The following GSDMC variants were observed in gnomAD, a reference collection of about 807,000 sequenced individuals.
The protein encoded by GSDMC is gasdermin-C.
A neutral mutation model predicts 58.0 loss-of-function variants in GSDMC; 59 were observed. The ratio of observed to expected loss-of-function variants is 1.02; its 90% confidence interval spans 0.82 to 1.26. The LOEUF (loss-of-function observed/expected upper bound fraction) is 1.26, where lower values mean the gene tolerates loss of function less well. Among genes scored for constraint, GSDMC ranks in the 50% most tolerant of loss-of-function variants. The pLI, the probability that GSDMC is intolerant of heterozygous loss-of-function variation, is 0.00. For synonymous variants in GSDMC, 241 were observed against 220.2 expected (o/e 1.09, Z -0.83); for missense variants, 659 against 598.5 (o/e 1.10, Z -1.06).
rs778036535 is a variant in GSDMC at position 129,748,459 on chromosome 8, C to T, written c.*42G>A. ...AAGGACACTCACAGCATAGACTGGGCGAGGGCCAGCATCTCTGGACTGACT... is the reference window on the plus strand; with the variant it reads ...AAGGACACTCACAGCATAGACTGGGTGAGGGCCAGCATCTCTGGACTGACT... On this transcript the variant is annotated 3_prime_UTR_variant, in exon 14 of 14. Transcript: ENST00000276708. 253 of 1,556,998 alleles carry T rather than the reference C, an allele frequency of 1.6e-4. 2 individuals carry two copies. In the Middle Eastern group the frequency reaches 1.8e-3, roughly 11 times the overall value.
the GSDMC span, among the ~76,000 whole-genome samples, chr8:129,724,873 T>G: frequency 3.3e-5 from 5 of 151,994 alleles, no homozygotes; most frequent in Admixed American, 2.0e-4. Flanking sequence ...ACAAAGGGCA[T>G]AGTTTGAGGA....
intron 3 of GSDMC, among the ~76,000 whole-genome samples, chr8:129,772,068 T>A (rs2034071846): frequency 6.6e-6 from 1 of 151,870 alleles, no homozygotes; most frequent in Admixed American, 6.6e-5. Context: ...ATCGAGACCA[T>A]CCTGGCTAAC....
chr8:129,729,756 T>C, the GSDMC span: 1 of 589,314 alleles, frequency 1.7e-6, no homozygotes, highest in African/African-American at 1.9e-5. Flanking sequence ...TTGTAAAAAG[T>C]GTCGCAATAA....
chr8:129,734,749 A>G, the GSDMC span, among the ~76,000 whole-genome samples: 2 of 152,232 alleles, frequency 1.3e-5, no homozygotes, highest in African/African-American at 4.8e-5. Flanking sequence ...AAGAAACTGC[A>G]TCAACTAACA....
rs2033834479 is a variant in GSDMC at position 129,765,747 on chromosome 8, T to A, written c.451A>T (p.Arg151Ter). ...EPSFLKECRRRGDNLYVVTEA... is the reference protein window; with the variant it reads ...EPSFLKECRR ...GTCACCACGTACAGGTTGTCCCCTC[T>A]CCTCCGGCACTCCTTCAGAAATGAT... The change falls in exon 4 of 14, where the codon AGA (arginine) becomes TGA (stop). Residue 151 changes from arginine to a stop codon, truncating the protein, a stop_gained. Transcript: ENST00000276708. LOFTEE classifies it high-confidence loss of function. 6.2e-7 allele frequency: 1 copy of A among 1,613,794 alleles called. No individual in the cohort carries two copies. Among genetic ancestry groups the A allele is most frequent in the South Asian group, 1.1e-5 (1 of 91,072 alleles).
chr8:129,784,823 GC>G (rs1302836341), intron 1 of GSDMC, among the ~76,000 whole-genome samples: 1 of 152,196 alleles, frequency 6.6e-6, no homozygotes, highest in African/African-American at 2.4e-5. Flanking sequence ...GTTCACAATA[GC>G]CAAGATTGGG....
the GSDMC span, among the ~76,000 whole-genome samples, chr8:129,740,701 A>T: frequency 6.6e-6 from 1 of 152,156 alleles, no homozygotes; most frequent in Non-Finnish European, 1.5e-5. Flanking sequence ...TAGCTCCATC[A>T]TTAAGCAACT....
Position 129,751,570 on chromosome 8 carries a change from TAGA to T in GSDMC, c.917-5_917-3del, listed in dbSNP as rs750155067. On this transcript the variant is annotated splice_polypyrimidine_tract_variant and splice_region_variant and intron_variant, in intron 9 of 13. Coordinates refer to ENST00000276708, the MANE Select transcript of GSDMC (RefSeq NM_031415.3). The stretch of plus-strand genomic sequence containing the variant: ...GCCAGAAGGGTTCCTCTATTCTTCC[TAGA>T]AGGAGAATCAAGTCATCATCTCACT... The T allele has an allele frequency of 1.1e-5, 18 of 1,612,414 alleles. No individual in the cohort carries two copies. Among genetic ancestry groups the T allele is most frequent in the Non-Finnish European group, 1.2e-5 (14 of 1,178,882 alleles).
chr8:129,750,686 T>C, intron 10 of GSDMC, 116 bp from the exon 11 acceptor site: 3 of 1,008,344 alleles, frequency 3.0e-6, no homozygotes, highest in Non-Finnish European at 4.4e-6. Flanking sequence ...CCCTTTCAGC[T>C]GCTAACCAAA....
At chr8:129,726,993 T>TACAC in the GSDMC span, among the ~76,000 whole-genome samples, 4 of 43,996 alleles carry the variant, frequency 9.1e-5, no homozygotes, top group African/African-American at 9.9e-5. Context: ...CCACACCCAA[T>TACAC]ACACATACAC....
At chr8:129,765,371 T>C (rs1484737172) in intron 4 of GSDMC, among the ~76,000 whole-genome samples, 1 of 152,118 alleles carries the variant, frequency 6.6e-6, no homozygotes, top group Non-Finnish European at 1.5e-5. Context: ...CAAAACACAA[T>C]ACTAAATAAT....
intron 3 of GSDMC, 25 bp downstream of exon 3, chr8:129,776,077 T>A: frequency 4.4e-6 from 7 of 1,575,278 alleles, no homozygotes; most frequent in Non-Finnish European, 6.1e-6. Context: ...TGATGATCCA[T>A]CCCCTTCCTC....
At chr8:129,738,197 G>T in the GSDMC span, among the ~76,000 whole-genome samples, 1 of 152,210 alleles carries the variant, frequency 6.6e-6, no homozygotes. Flanking sequence ...GGAGAAATAG[G>T]AACACTTTTA....
chr8:129,732,881 G>C, the GSDMC span, among the ~76,000 whole-genome samples: 1 of 152,188 alleles, frequency 6.6e-6, no homozygotes, highest in African/African-American at 2.4e-5. Context: ...GAAGTGCAAG[G>C]GGTCACGGGA....
chr8:129,730,364 T>C, the GSDMC span: 2 of 1,287,350 alleles, frequency 1.6e-6, no homozygotes, highest in Non-Finnish European at 2.2e-6. Context: ...AAGGAGATTA[T>C]CTACTGGATG....
chr8:129,752,128 T>C lies in GSDMC; in HGVS notation c.864A>G (p.Gln288=), dbSNP rs1182549415. ...CACTTGGCAAATGCCCGCTCAAAAA[T>C]TGCTGTGTCAGAAATAGCTCTGGAA... ...KLKPELFLTQ[Q]FLSGHLPKYE... The change falls in exon 8 of 14, where the codon CAA becomes CAG. Residue 288 remains glutamine (Q), a synonymous_variant. Transcript: ENST00000276708. 1.1e-5 allele frequency: 17 copies of C among 1,613,346 alleles called. No homozygotes were observed. Among genetic ancestry groups the C allele is most frequent in the African/African-American group, 1.3e-5 (1 of 74,892 alleles).
intron 5 of GSDMC, 146 bp downstream of exon 5, chr8:129,762,480 G>A (rs1422884718): frequency 1.4e-6 from 1 of 692,012 alleles, no homozygotes; most frequent in Non-Finnish European, 2.6e-6. Context: ...TGTGTGCCCT[G>A]GACAGTAAGA....
the GSDMC span, among the ~76,000 whole-genome samples, chr8:129,733,923 C>T: frequency 2.6e-5 from 4 of 152,068 alleles, no homozygotes; most frequent in African/African-American, 9.7e-5. Context: ...AGCTAAAAAC[C>T]TTGAAAAAAG....
At chr8:129,775,411 A>G (rs891969742) in intron 3 of GSDMC, among the ~76,000 whole-genome samples, 2 of 152,210 alleles carry the variant, frequency 1.3e-5, no homozygotes, top group African/African-American at 4.8e-5. Flanking sequence ...TTAGGAAGTC[A>G]GGGAAATGGG....
Sources: allele counts gnomAD v4.1 joint callset (sites outside exome capture counted in the v4.1 genomes callset), GRCh38; gene constraint gnomAD v4.1.1; transcripts MANE v1.5; gene names NCBI Gene and HGNC (gene_info 2026-07-23, HGNC 2026-07-21).